The following CTRC variants were observed in gnomAD, a reference collection of about 807,000 sequenced individuals.
The protein encoded by CTRC is chymotrypsin C.
CTRC carries 32 observed loss-of-function variants against 35.7 expected under a neutral mutation model. The observed-to-expected ratio is 0.90, with a 90% confidence interval of 0.68 to 1.20. The LOEUF (loss-of-function observed/expected upper bound fraction) is 1.20, where lower values mean the gene tolerates loss of function less well. Ranked by LOEUF, CTRC falls within the 50% of genes most tolerant of loss-of-function variation. The pLI is 0.00. For missense variants in CTRC, 324 were observed against 361.5 expected, an observed-to-expected ratio of 0.90 and a Z score of 0.84; for synonymous variants, 119 against 149.5, an observed-to-expected ratio of 0.80 and a Z score of 1.49.
chr1:15,446,500 C>A, intron 7 of CTRC, 75 bp from the exon 8 acceptor site: 1 of 1,512,164 alleles, frequency 6.6e-7, no homozygotes, highest in South Asian at 1.1e-5. Context: ...TGGACCCACC[C>A]TCCGGGCAGA....
chr1:15,441,983 C>G (rs76699679), intron 3 of CTRC, among the ~76,000 whole-genome samples: 4 of 152,034 alleles, frequency 2.6e-5, no homozygotes, highest in Non-Finnish European at 5.9e-5. Context: ...CTCAAGCAAT[C>G]CCCCCGTCTC....
Position 15,440,351 on chromosome 1 carries a change from T to G in CTRC, c.92T>G (p.Val31Gly), listed in dbSNP as rs1485616641. The G allele has an allele frequency of 1.2e-6, 2 of 1,610,822 alleles. No individual in the cohort carries two copies. The highest frequency in any genetic ancestry group is 4.5e-5 in the East Asian group (2 of 44,802). The change falls in exon 2 of 8, where the codon GTG (valine) becomes GGG (glycine). Residue 31 changes from valine (V) to glycine (G), a missense_variant. By Grantham distance (109) the Val-to-Gly change is moderately radical (BLOSUM62 -3). Transcript: ENST00000375949. Reference protein sequence around the residue: ...SFPPNLSARVVGGEDARPHSW... With the variant: ...SFPPNLSARVGGGEDARPHSW... ...CCGCCCAACCTATCCGCCCGAGTGG[T>G]GGGAGGAGAGGATGCCCGGCCCCAC...
Position 15,445,892 on chromosome 1 carries a change from A to G in CTRC, c.792+143A>G. On this transcript the variant is annotated intron_variant, in intron 7 of 7. Coordinates refer to ENST00000375949, the MANE Select transcript of CTRC (RefSeq NM_007272.3). ...CATGCATTTATTCACTCATTCATGC[A>G]TTCATTCATTTATTCACTTATTCAG... 6.1e-6 allele frequency: 6 copies of G among 982,760 alleles called. No homozygotes were observed. The South Asian group carries it at 6.7e-5, about 11-fold the overall frequency. The allele number at this position is 982,760 out of a possible 1,614,324, so 60.9% of individuals were successfully genotyped here.
Position 15,446,636 on chromosome 1 carries a change from C to T in CTRC, c.*47C>T, listed in dbSNP as rs1387249284. The stretch of plus-strand genomic sequence containing the variant: ...AGCGAGTCCCTGCAACAGCAATAAA[C>T]TTCCTTCTCCTCGGGCCACCTGGAT... On this transcript the variant is annotated 3_prime_UTR_variant, in exon 8 of 8. Coordinates refer to ENST00000375949, the MANE Select transcript of CTRC (RefSeq NM_007272.3). 1.9e-6 allele frequency: 3 copies of T among 1,610,722 alleles called. No homozygotes were observed. The highest frequency in any genetic ancestry group is 2.2e-5 in the East Asian group (1 of 44,858).
intron 4 of CTRC, among the ~76,000 whole-genome samples, chr1:15,442,982 G>A (rs566169749): frequency 3.3e-5 from 5 of 152,310 alleles, no homozygotes; most frequent in East Asian, 3.9e-4. Context: ...AGCCCACTTC[G>A]TGGCAGAACT....
At position 15,448,654 on chromosome 1, in the gene CTRC, T is replaced by A. The variant is rs1438794033; in HGVS notation, c.*2065T>A. The A allele has an allele frequency of 1.3e-5, 2 of 151,856 alleles. No individual in the cohort carries two copies. The highest frequency in any genetic ancestry group is 2.9e-5 in the Non-Finnish European group (2 of 67,978). 9.4% of individuals were successfully genotyped at this position (151,856 alleles called of 1,614,324 possible). On this transcript the variant is annotated 3_prime_UTR_variant, in exon 8 of 8. Coordinates refer to ENST00000375949, the MANE Select transcript of CTRC (RefSeq NM_007272.3). ...AGCCACCGTGCCCGGCCCCAGCTAATTTTTTTGTATTTTTTTAGTAGAGAT... is the reference window on the plus strand; with the variant it reads ...AGCCACCGTGCCCGGCCCCAGCTAAATTTTTTGTATTTTTTTAGTAGAGAT...
Position 15,445,557 on chromosome 1 carries a change from G to C in CTRC, c.640-40G>C, listed in dbSNP as rs191025876. 48 of 1,606,900 alleles carry C rather than the reference G, an allele frequency of 3.0e-5. No individual in the cohort carries two copies. The highest frequency in any genetic ancestry group is 5.0e-5 in the Admixed American group (3 of 59,970). On this transcript the variant is annotated intron_variant, in intron 6 of 7. Transcript: ENST00000375949. The stretch of plus-strand genomic sequence containing the variant: ...TCCTGCTTCCCAAGACTTCCTCTGG[G>C]GGGGGGCCTGGTGGCTTATGCCCTC...
chr1:15,439,938 C>T lies in CTRC; in HGVS notation c.41-362C>T, dbSNP rs1339046832. On this transcript the variant is annotated intron_variant, in intron 1 of 7. Transcript: ENST00000375949. ...TGTATTTTTAGTAGAGACAGGGTTTCGCCATGTTGGCCAGGCTGGTGTCAA... is the reference window on the plus strand; with the variant it reads ...TGTATTTTTAGTAGAGACAGGGTTTTGCCATGTTGGCCAGGCTGGTGTCAA... Among the ~76,000 whole-genome samples the T allele has an allele frequency of 5.3e-5, 8 of 152,180 alleles. 1 individual carries two copies. The highest frequency in any genetic ancestry group is 1.9e-4 in the African/African-American group (8 of 41,442).
chr1:15,446,539 G>GCCCTGAGTCTCTCACACTGTTC, intron 7 of CTRC, 36 bp from the exon 8 acceptor site: 1 of 1,613,560 alleles, frequency 6.2e-7, no homozygotes, highest in Non-Finnish European at 8.5e-7. Flanking sequence ...AGGTGGCACA[G>GCCCTGAGTCTCTCACACTGTTC]CCCTGAGTCT....
chr1:15,446,446 C>A, intron 7 of CTRC, 129 bp from the exon 8 acceptor site: 1 of 903,584 alleles, frequency 1.1e-6, no homozygotes, highest in Non-Finnish European at 1.9e-6. Flanking sequence ...TGAACAGGGA[C>A]AAGGCTGGCA....
intron 5 of CTRC, 146 bp downstream of exon 5, chr1:15,443,701 C>G: frequency 1.0e-6 from 1 of 981,128 alleles, no homozygotes; most frequent in East Asian, 2.5e-5. Flanking sequence ...TTACTAAGCA[C>G]ATACCATGTG....
In CTRC at chr1:15,449,216, A is replaced by G. The variant is rs1300434478; in HGVS notation, c.*2627A>G. On this transcript the variant is annotated 3_prime_UTR_variant, in exon 8 of 8. Coordinates refer to ENST00000375949, the MANE Select transcript of CTRC (RefSeq NM_007272.3). ...AATGTAAAACATCCTCCAGAAAAAA[A>G]ATAAATAAATAAAAACTTCCCTGAT... 1 of 152,216 alleles carries G rather than the reference A, an allele frequency of 6.6e-6. No homozygotes were observed. The highest frequency in any genetic ancestry group is 2.4e-5 in the African/African-American group (1 of 41,432). 9.4% of individuals were successfully genotyped at this position (152,216 alleles called of 1,614,324 possible). A position where few individuals can be genotyped will look rare whatever the true frequency, so the allele number is the denominator to read the frequency against.
At chr1:15,440,141 T>A (rs1190095216) in intron 1 of CTRC, among the ~76,000 whole-genome samples, 159 bp from the exon 2 acceptor site, 1 of 152,178 alleles carries the variant, frequency 6.6e-6, no homozygotes, top group Admixed American at 6.5e-5. Context: ...AAACAAGGCC[T>A]AGAGACCTGG....
At chr1:15,439,287 G>A (rs111816046) in intron 1 of CTRC, among the ~76,000 whole-genome samples, 1,653 of 152,024 alleles carry the variant, frequency 0.011, 35 homozygotes, top group African/African-American at 0.038. Context: ...TTAGCCAGGC[G>A]TGGTGGCGGG....
chr1:15,440,407 G>C lies in CTRC; in HGVS notation c.132+16G>C, dbSNP rs762121956. ...GCCCTGGCAGGTAAGCCTGTGTAGG[G>C]CTGGGAGGTACAGATAGAGAGGGTG... On this transcript the variant is annotated intron_variant, in intron 2 of 7. Transcript: ENST00000375949. The C allele has an allele frequency of 5.6e-6, 9 of 1,612,312 alleles. No individual in the cohort carries two copies. The Admixed American group carries it at 1.5e-4, about 27-fold the overall frequency.
At chr1:15,444,168 G>A (rs1379663839) in intron 5 of CTRC, among the ~76,000 whole-genome samples, 1 of 151,918 alleles carries the variant, frequency 6.6e-6, no homozygotes, top group Non-Finnish European at 1.5e-5. Flanking sequence ...GAGGTGAGAG[G>A]ATCATTTGAG....
At chr1:15,442,688 G>T (rs1053606957) in intron 4 of CTRC, 116 bp downstream of exon 4, 9 of 1,443,326 alleles carry the variant, frequency 6.2e-6, no homozygotes, top group Non-Finnish European at 7.7e-6. Flanking sequence ...CCTCACCCTG[G>T]AAAGCCAGCA....
intron 6 of CTRC, 119 bp downstream of exon 6, chr1:15,444,870 G>A (rs879207139): frequency 7.6e-7 from 1 of 1,316,198 alleles, no homozygotes; most frequent in Admixed American, 1.9e-5. Flanking sequence ...CCCTGGCTGG[G>A]CCCAGCAGGC....
rs1470392969 is a variant in CTRC, at chr1:15,447,289, G to A, written c.*700G>A. On this transcript the variant is annotated 3_prime_UTR_variant, in exon 8 of 8. Coordinates refer to ENST00000375949, the MANE Select transcript of CTRC (RefSeq NM_007272.3). ...GGTACAGGAAGAGGAAGAGACCCCA[G>A]CATCATCCTCAGGAGACATACGTTT... 6.3e-6 allele frequency: 1 copy of A among 158,340 alleles called. No homozygotes were observed. The highest frequency in any genetic ancestry group is 2.4e-5 in the African/African-American group (1 of 41,480). The allele number at this position is 158,340 out of a possible 1,614,324, so 9.8% of individuals were successfully genotyped here.
Sources: gnomAD v4.1 joint callset for allele counts (sites outside exome capture counted in the v4.1 genomes callset) on GRCh38, gnomAD v4.1.1 for gene constraint, MANE v1.5 for transcripts, NCBI Gene and HGNC (gene_info 2026-07-23, HGNC 2026-07-21) for gene names.